The following CYSLTR2 variants were observed in gnomAD, a reference collection of about 807,000 sequenced individuals.
The protein encoded by CYSLTR2 is cysteinyl leukotriene receptor 2.
For synonymous variants in CYSLTR2, 179 were observed against 160.8 expected (o/e 1.11, Z -0.86); for missense variants, 398 against 411.9 (o/e 0.97, Z 0.29).
At chr13:48,671,056 C>A (rs1953415001) in intron 1 of CYSLTR2, among the ~76,000 whole-genome samples, 1 of 152,140 alleles carries the variant, frequency 6.6e-6, no homozygotes, top group Admixed American at 6.5e-5. Flanking sequence ...AATAGGAGTT[C>A]ACTCATGATT....
chr13:48,707,915 A>G lies in CYSLTR2; in HGVS notation c.*57A>G. On this transcript the variant is annotated 3_prime_UTR_variant, in exon 5 of 5. Transcript: ENST00000682523. The stretch of plus-strand genomic sequence containing the variant: ...CTTGTGTCCATCTTCATTCACTCAT[A>G]GTCTCCAAATGACTTTGTATTTACA... 3 of 1,372,134 alleles carry G rather than the reference A, an allele frequency of 2.2e-6. No homozygotes were observed. Among genetic ancestry groups the G allele is most frequent in the Non-Finnish European group, 2.9e-6 (3 of 1,020,924 alleles). 85.0% of individuals were successfully genotyped at this position (1,372,134 alleles called of 1,614,324 possible). A position where few individuals can be genotyped will look rare whatever the true frequency, so the allele number is the denominator to read the frequency against.
At chr13:48,664,411 G>A (rs1246364107) in intron 1 of CYSLTR2, among the ~76,000 whole-genome samples, 2 of 151,856 alleles carry the variant, frequency 1.3e-5, no homozygotes, top group African/African-American at 2.4e-5. Context: ...GAACCGATAT[G>A]AATTCTTCTT....
chr13:48,678,946 C>T (rs540944818), intron 1 of CYSLTR2, among the ~76,000 whole-genome samples: 125 of 152,252 alleles, frequency 8.2e-4, no homozygotes, highest in Non-Finnish European at 1.6e-3. Context: ...ACCAAACTGT[C>T]CTCATCTGCT....
intron 4 of CYSLTR2, among the ~76,000 whole-genome samples, chr13:48,702,429 T>A (rs1368370777): frequency 1.3e-5 from 2 of 152,126 alleles, no homozygotes; most frequent in Non-Finnish European, 2.9e-5. Flanking sequence ...ATAAAAACTT[T>A]ACATTCTACA....
intron 1 of CYSLTR2, among the ~76,000 whole-genome samples, chr13:48,658,785 C>T (rs1953059348): frequency 6.6e-6 from 1 of 152,070 alleles, no homozygotes; most frequent in South Asian, 2.1e-4. Context: ...GACTGAGTGT[C>T]CTTTACTGAG....
chr13:48,682,590 A>C (rs571323146), intron 1 of CYSLTR2, among the ~76,000 whole-genome samples: 1 of 152,304 alleles, frequency 6.6e-6, no homozygotes, highest in South Asian at 2.1e-4. Context: ...CTAAGGCCCC[A>C]GCAGTCAACT....
intron 1 of CYSLTR2, among the ~76,000 whole-genome samples, chr13:48,672,774 C>T (rs1451731895): frequency 1.3e-5 from 2 of 151,842 alleles, no homozygotes; most frequent in Non-Finnish European, 2.9e-5. Flanking sequence ...CCTGCCACCA[C>T]GCCCGGCTAA....
At chr13:48,680,307 C>T (rs1300490117) in intron 1 of CYSLTR2, among the ~76,000 whole-genome samples, 1 of 152,070 alleles carries the variant, frequency 6.6e-6, no homozygotes, top group East Asian at 1.9e-4. Context: ...CTAATGATCC[C>T]GTGAGAATCT....
intron 1 of CYSLTR2, among the ~76,000 whole-genome samples, chr13:48,684,509 G>A (rs1953846163): frequency 6.6e-6 from 1 of 151,794 alleles, no homozygotes; most frequent in African/African-American, 2.4e-5. Context: ...GTAGCTAATG[G>A]GATGACAGGT....
chr13:48,706,697 C>G, intron 4 of CYSLTR2, 120 bp from the exon 5 acceptor site: 1 of 759,832 alleles, frequency 1.3e-6, no homozygotes, highest in South Asian at 1.9e-5. Context: ...ACTCAACTTT[C>G]AAAGAAAAGA....
At chr13:48,687,769 T>C (rs1217606446) in intron 1 of CYSLTR2, among the ~76,000 whole-genome samples, 1 of 152,218 alleles carries the variant, frequency 6.6e-6, no homozygotes, top group Non-Finnish European at 1.5e-5. Flanking sequence ...TTTAAACAAC[T>C]GAAATTCTCT....
intron 1 of CYSLTR2, among the ~76,000 whole-genome samples, chr13:48,666,942 C>T (rs1953278472): frequency 6.6e-6 from 1 of 151,898 alleles, no homozygotes; most frequent in African/African-American, 2.4e-5. Flanking sequence ...TATTATTTTC[C>T]TTATGGGGTG....
intron 1 of CYSLTR2, among the ~76,000 whole-genome samples, chr13:48,661,595 T>C (rs1256305830): frequency 6.6e-6 from 1 of 152,176 alleles, no homozygotes; most frequent in African/African-American, 2.4e-5. Context: ...CATTTATAGA[T>C]GGCATAACTG....
intron 1 of CYSLTR2, among the ~76,000 whole-genome samples, chr13:48,682,868 C>T (rs1208573176): frequency 6.6e-6 from 1 of 152,040 alleles, no homozygotes; most frequent in Non-Finnish European, 1.5e-5. Context: ...TTCTGATTCT[C>T]TCCCTTCTCC....
chr13:48,682,694 A>G (rs1953788138), intron 1 of CYSLTR2, among the ~76,000 whole-genome samples: 1 of 152,124 alleles, frequency 6.6e-6, no homozygotes, highest in Non-Finnish European at 1.5e-5. Flanking sequence ...CTCATAGGGA[A>G]CTACACCCAC....
intron 1 of CYSLTR2, among the ~76,000 whole-genome samples, chr13:48,686,803 C>G (rs1953903557): frequency 6.6e-6 from 1 of 152,166 alleles, no homozygotes; most frequent in Admixed American, 6.5e-5. Flanking sequence ...TTTTCAGGCT[C>G]AGAGACAAGT....
chr13:48,665,391 C>A (rs1272909170), intron 1 of CYSLTR2, among the ~76,000 whole-genome samples: 1 of 152,084 alleles, frequency 6.6e-6, no homozygotes, highest in African/African-American at 2.4e-5. Context: ...ATTAGATGAT[C>A]TGTCCAGTGC....
At chr13:48,678,416 G>T (rs1953659443) in intron 1 of CYSLTR2, among the ~76,000 whole-genome samples, 1 of 151,950 alleles carries the variant, frequency 6.6e-6, no homozygotes, top group Non-Finnish European at 1.5e-5. Context: ...GTATCATTTG[G>T]CCAGTCTTTC....
intron 1 of CYSLTR2, among the ~76,000 whole-genome samples, chr13:48,672,638 G>C (rs1468933839): frequency 1.4e-4 from 12 of 87,922 alleles, no homozygotes; most frequent in African/African-American, 4.0e-4. Context: ...TTTTTTTTGA[G>C]ACAGAATCTT....
Sources: gnomAD v4.1 joint callset for allele counts (sites outside exome capture counted in the v4.1 genomes callset) on GRCh38, gnomAD v4.1.1 for gene constraint, MANE v1.5 for transcripts, NCBI Gene and HGNC (gene_info 2026-07-23, HGNC 2026-07-21) for gene names.